Variants in CSMD1 observed in about 807,000 individuals in gnomAD.
CSMD1 encodes the protein CUB and Sushi multiple domains 1.
In CSMD1, 213 loss-of-function variants were observed where a neutral mutation model predicts 417.5. That is an observed-to-expected ratio of 0.51 (90% CI 0.46 to 0.57). The LOEUF (loss-of-function observed/expected upper bound fraction) is 0.57. Among genes scored for constraint, CSMD1 ranks in the 20% least tolerant of loss-of-function variants. The pLI is 0.00. For synonymous variants in CSMD1, 2,862 were observed against 1,736.8 expected, an observed-to-expected ratio of 1.65 and a Z score of -16.11; for missense variants, 6,923 against 4,529.7, an observed-to-expected ratio of 1.53 and a Z score of -15.17.
At chr8:4,524,959 C>A (rs1447337784) in intron 2 of CSMD1, among the ~76,000 whole-genome samples, 1 of 152,126 alleles carries the variant, frequency 6.6e-6, no homozygotes, top group African/African-American at 2.4e-5. Flanking sequence ...CTGATGGCAT[C>A]ACAGAACAAC....
chr8:4,556,690 G>C (rs1798104208), intron 2 of CSMD1, among the ~76,000 whole-genome samples: 1 of 152,150 alleles, frequency 6.6e-6, no homozygotes, highest in African/African-American at 2.4e-5. Context: ...TTTTCCATAA[G>C]TTTAATTAGC....
intron 1 of CSMD1, among the ~76,000 whole-genome samples, chr8:4,678,238 C>T (rs920890648): frequency 6.6e-6 from 1 of 151,924 alleles, no homozygotes; most frequent in Non-Finnish European, 1.5e-5. Flanking sequence ...TGGTGAAACC[C>T]TGTCTCTAAT....
intron 1 of CSMD1, among the ~76,000 whole-genome samples, chr8:4,818,223 G>A (rs1799316180): frequency 6.6e-6 from 1 of 152,100 alleles, no homozygotes; most frequent in African/African-American, 2.4e-5. Context: ...GTTTTAAAAT[G>A]TATAGCAATA....
intron 26 of CSMD1, among the ~76,000 whole-genome samples, chr8:3,268,708 G>A (rs1801618816): frequency 6.6e-6 from 1 of 152,092 alleles, no homozygotes; most frequent in Admixed American, 6.5e-5. Context: ...AATTAAATGT[G>A]GACCATTTCT....
intron 1 of CSMD1, among the ~76,000 whole-genome samples, chr8:4,679,274 G>T (rs1805891041): frequency 6.6e-6 from 1 of 152,180 alleles, no homozygotes; most frequent in Admixed American, 6.5e-5. Flanking sequence ...ACCCGAGAAG[G>T]TAGCTTGACC....
chr8:3,775,150 G>C (rs1323541924), intron 5 of CSMD1, among the ~76,000 whole-genome samples: 1 of 152,168 alleles, frequency 6.6e-6, no homozygotes, highest in Non-Finnish European at 1.5e-5. Context: ...CAGATAAGGA[G>C]GAACTACTGT....
At chr8:3,063,756 T>C (rs116447002) in intron 49 of CSMD1, among the ~76,000 whole-genome samples, 1,655 of 152,260 alleles carry the variant, frequency 0.011, 34 homozygotes, top group African/African-American at 0.037. Context: ...ATTCTACTTA[T>C]GTGAGGTGCC....
At chr8:3,262,492 A>T (rs759310418) in intron 26 of CSMD1, among the ~76,000 whole-genome samples, 3 of 151,644 alleles carry the variant, frequency 2.0e-5, no homozygotes, top group Non-Finnish European at 4.4e-5. Context: ...TAACATAATT[A>T]CTGTTTATCC....
Position 4,930,171 on chromosome 8 carries a change from C to T in CSMD1, c.85+64161G>A, listed in dbSNP as rs533550535. 2.6e-4 allele frequency among the ~76,000 whole-genome samples: 39 copies of T among 152,230 alleles called. No homozygotes were observed. In the South Asian group the frequency reaches 3.9e-3, roughly 15 times the overall value. On this transcript the variant is annotated intron_variant, in intron 1 of 69. Transcript: ENST00000635120. ...GGTTCTAGATTCATATCACATAAAA[C>T]GTAGGCATGGACAGACGTTCTCCAA...
chr8:3,997,879 G>A (rs781410625), intron 5 of CSMD1, 24 bp downstream of exon 5: 1 of 1,595,644 alleles, frequency 6.3e-7, no homozygotes, highest in Non-Finnish European at 8.6e-7. Flanking sequence ...TGTATCCTTT[G>A]TGGCATCTCT....
intron 2 of CSMD1, among the ~76,000 whole-genome samples, chr8:4,438,052 A>G (rs1049259179): frequency 6.6e-6 from 1 of 152,174 alleles, no homozygotes; most frequent in Non-Finnish European, 1.5e-5. Context: ...TTAGCTATGA[A>G]GGAACAGCCA....
intron 10 of CSMD1, among the ~76,000 whole-genome samples, chr8:3,494,446 T>A (rs1481082910): frequency 6.6e-6 from 1 of 151,970 alleles, no homozygotes; most frequent in Non-Finnish European, 1.5e-5. Flanking sequence ...CCCTGGGTAG[T>A]AAGGAGAAAA....
At chr8:2,939,389 G>T (rs1233967217) in intron 69 of CSMD1, among the ~76,000 whole-genome samples, 1 of 152,116 alleles carries the variant, frequency 6.6e-6, no homozygotes, top group East Asian at 1.9e-4. Context: ...AGTTAAAAAT[G>T]AATCTTTATA....
intron 5 of CSMD1, among the ~76,000 whole-genome samples, chr8:3,928,711 T>C (rs1809925977): frequency 6.7e-6 from 1 of 150,324 alleles, no homozygotes; most frequent in Admixed American, 6.6e-5. Flanking sequence ...GGATCTATGC[T>C]ATTTCTTAAT....
At chr8:3,314,349 G>C (rs56125758) in intron 23 of CSMD1, among the ~76,000 whole-genome samples, 2 of 152,126 alleles carry the variant, frequency 1.3e-5, no homozygotes, top group Non-Finnish European at 2.9e-5. Flanking sequence ...GTGAATTTAA[G>C]AGACTTTTGA....
intron 38 of CSMD1, among the ~76,000 whole-genome samples, chr8:3,160,043 A>T (rs1161578846): frequency 1.3e-5 from 2 of 152,232 alleles, no homozygotes; most frequent in Admixed American, 1.3e-4. Flanking sequence ...GCAAGCCCCG[A>T]AAAAGGCACA....
chr8:3,335,139 C>G (rs1807171004), intron 23 of CSMD1, among the ~76,000 whole-genome samples: 1 of 152,134 alleles, frequency 6.6e-6, no homozygotes, highest in Non-Finnish European at 1.5e-5. Flanking sequence ...GGTTGGACAT[C>G]CTACACCACT....
chr8:3,431,514 G>C (rs1053728180), intron 12 of CSMD1, among the ~76,000 whole-genome samples: 1 of 152,016 alleles, frequency 6.6e-6, no homozygotes, highest in African/African-American at 2.4e-5. Flanking sequence ...CCATCCCCAT[G>C]CCTTTTTTCC....
At chr8:3,535,102 A>T (rs1798138740) in intron 10 of CSMD1, among the ~76,000 whole-genome samples, 1 of 150,072 alleles carries the variant, frequency 6.7e-6, no homozygotes, top group Non-Finnish European at 1.5e-5. Context: ...GTGTACCAAC[A>T]TAGTCAGCTA....
Sources: allele counts gnomAD v4.1 joint callset (sites outside exome capture counted in the v4.1 genomes callset), GRCh38; gene constraint gnomAD v4.1.1; transcripts MANE v1.5; gene names NCBI Gene and HGNC (gene_info 2026-07-23, HGNC 2026-07-21).